The following DNMT1 variants were observed in gnomAD, a reference collection of about 807,000 sequenced individuals.
DNMT1 encodes DNA methyltransferase 1.
DNMT1 carries 24 observed loss-of-function variants against 205.3 expected under a neutral mutation model. That is an observed-to-expected ratio of 0.12 (90% confidence interval 0.08 to 0.16). DNMT1 has a LOEUF of 0.16. DNMT1 is among the 10% of genes least tolerant of loss of function. DNMT1 has a pLI of 1.00. For missense variants in DNMT1, 1,293 were observed against 2,177.7 expected, an observed-to-expected ratio of 0.59 and a Z score of 8.09; for synonymous variants, 817 against 839.8, an observed-to-expected ratio of 0.97 and a Z score of 0.47.
At chr19:10,182,126 T>G in intron 1 of DNMT1, 49 bp from the exon 2 acceptor site, 1 of 1,563,414 alleles carries the variant, frequency 6.4e-7, no homozygotes. Flanking sequence ...TTAAGCAACT[T>G]CATTTGCCTG....
intron 1 of DNMT1, among the ~76,000 whole-genome samples, chr19:10,183,015 A>C (rs1345640799): frequency 6.7e-6 from 1 of 150,358 alleles, no homozygotes; most frequent in Non-Finnish European, 1.5e-5. Context: ...GTGTATATAT[A>C]CATATATATG....
rs1186120486 is a variant in DNMT1, at chr19:10,175,518, G to A, written c.648+22C>T. 1.9e-6 allele frequency: 3 copies of A among 1,613,518 alleles called. No individual in the cohort carries two copies. The South Asian group carries it at 3.3e-5, about 18-fold the overall frequency. On this transcript the variant is annotated intron_variant, in intron 7 of 40. Coordinates refer to ENST00000359526, the MANE Select transcript of DNMT1 (RefSeq NM_001130823.3). ...ATACACCAAGTTAAGGTAGAGTCAG[G>A]AAATGAAAGCACTGGCCCTACCTGG...
At chr19:10,149,416 A>G (rs762380090) in intron 26 of DNMT1, 37 bp downstream of exon 26, 2 of 1,611,312 alleles carry the variant, frequency 1.2e-6, no homozygotes, top group East Asian at 2.2e-5. Flanking sequence ...ACCCTCCACG[A>G]TAAGGCAGGG....
intron 1 of DNMT1, among the ~76,000 whole-genome samples, chr19:10,190,247 G>A (rs903400878): frequency 1.3e-5 from 2 of 152,176 alleles, no homozygotes; most frequent in African/African-American, 4.8e-5. Context: ...GCTAGCATCA[G>A]TGTTAATCCA....
chr19:10,149,359 T>TAA, intron 26 of DNMT1, 94 bp downstream of exon 26: 1 of 1,415,432 alleles, frequency 7.1e-7, no homozygotes, highest in Non-Finnish European at 9.7e-7. Flanking sequence ...AAAACCAAAT[T>TAA]AAAAAAAAAT....
intron 22 of DNMT1, among the ~76,000 whole-genome samples, chr19:10,153,286 A>G (rs2145304443): frequency 6.6e-6 from 1 of 152,304 alleles, no homozygotes; most frequent in Middle Eastern, 3.4e-3. Context: ...AATATTTAAA[A>G]TGAAATAACT....
intron 39 of DNMT1, among the ~76,000 whole-genome samples, chr19:10,134,935 G>A (rs970323856): frequency 4.6e-5 from 7 of 151,420 alleles, no homozygotes; most frequent in African/African-American, 9.7e-5. Flanking sequence ...TTCCCTGGCC[G>A]GCGCAGTGGC....
At chr19:10,185,200 C>T (rs1012051153) in intron 1 of DNMT1, among the ~76,000 whole-genome samples, 2 of 151,610 alleles carry the variant, frequency 1.3e-5, no homozygotes, top group African/African-American at 2.4e-5. Flanking sequence ...CTGAGGTGGG[C>T]GGATCATGAG....
chr19:10,164,257 C>T (rs1243553186), intron 11 of DNMT1, among the ~76,000 whole-genome samples: 3 of 152,106 alleles, frequency 2.0e-5, no homozygotes, highest in Admixed American at 6.6e-5. Flanking sequence ...GATTCTCCTG[C>T]CTCGGCCTCT....
chr19:10,151,038 C>T lies in DNMT1; in HGVS notation c.2265+360G>A, dbSNP rs922860245. On this transcript the variant is annotated intron_variant, in intron 24 of 40. Coordinates refer to ENST00000359526, the MANE Select transcript of DNMT1 (RefSeq NM_001130823.3). This position sits in a 1 kb window ranked among gnomAD's most constrained non-coding sequence, Gnocchi z 5.0. ...TGAACCTGGGAGGCAGAGGTTGCAGCGAGCTGAGATCGTGCCACTGCACTC... is the reference window on the plus strand; with the variant it reads ...TGAACCTGGGAGGCAGAGGTTGCAGTGAGCTGAGATCGTGCCACTGCACTC... Among the ~76,000 whole-genome samples the T allele has an allele frequency of 4.6e-5, 7 of 152,076 alleles. No individual in the cohort carries two copies. The highest frequency in any genetic ancestry group is 1.7e-4 in the African/African-American group (7 of 41,408).
At position 10,138,498 on chromosome 19, in the gene DNMT1, G is replaced by A. The variant is rs540856211; in HGVS notation, c.4056C>T (p.Pro1352=). 2.2e-5 allele frequency: 35 copies of A among 1,613,728 alleles called. No individual in the cohort carries two copies. The Admixed American group carries it at 3.8e-4, about 18-fold the overall frequency. The change falls in exon 35 of 41, where the codon CCC becomes CCT. Residue 1352 remains proline (P), a synonymous_variant. Transcript: ENST00000359526. This position sits in a 1 kb window ranked among gnomAD's most constrained non-coding sequence, Gnocchi z 4.1. ...LFPEPLHVFA[P]RACQLSVVVD... is the part of the protein sequence containing the mutation. Reference sequence around the variant, plus strand: ...CCACCACGCTCAGCTGGCAGGCCCGGGGAGCAAACACGTGCAGTGGCTCCG... The same window carrying A: ...CCACCACGCTCAGCTGGCAGGCCCGAGGAGCAAACACGTGCAGTGGCTCCG...
At chr19:10,139,039 G>T (rs2089550933) in intron 34 of DNMT1, among the ~76,000 whole-genome samples, 1 of 152,230 alleles carries the variant, frequency 6.6e-6, no homozygotes, top group Non-Finnish European at 1.5e-5. Flanking sequence ...GGGTAGCCAA[G>T]TGCTTGCCCA....
chr19:10,175,760 T>C, intron 6 of DNMT1, 142 bp from the exon 7 acceptor site: 1 of 834,990 alleles, frequency 1.2e-6, no homozygotes, highest in Non-Finnish European at 2.0e-6. Context: ...GAATGTTGTC[T>C]TGCCATCTTG....
At chr19:10,150,106 A>C in intron 24 of DNMT1, 138 bp from the exon 25 acceptor site, 1 of 779,616 alleles carries the variant, frequency 1.3e-6, no homozygotes, top group Admixed American at 2.0e-5. Context: ...TGCTAAAGAG[A>C]ACATCCTGTT....
intron 7 of DNMT1, among the ~76,000 whole-genome samples, chr19:10,174,727 C>A (rs1395637306): frequency 1.3e-5 from 2 of 150,390 alleles, no homozygotes; most frequent in Non-Finnish European, 1.5e-5. Context: ...AAAACAACAA[C>A]AACAACAACA....
chr19:10,160,326 A>T, intron 14 of DNMT1, 58 bp downstream of exon 14: 1 of 1,610,510 alleles, frequency 6.2e-7, no homozygotes, highest in Non-Finnish European at 8.5e-7. Flanking sequence ...CTTTTGTTCT[A>T]GAACCATCAT....
chr19:10,143,614 T>G (rs1184929285), intron 29 of DNMT1, 152 bp downstream of exon 29: 6 of 868,672 alleles, frequency 6.9e-6, no homozygotes, highest in Non-Finnish European at 1.1e-5. Context: ...CTAGTCATTA[T>G]CAGTGCCCAC....
chr19:10,182,171 CA>C (rs1338703452), intron 1 of DNMT1, 94 bp from the exon 2 acceptor site: 5 of 1,354,810 alleles, frequency 3.7e-6, no homozygotes, highest in Non-Finnish European at 4.2e-6. Flanking sequence ...GTTTTGGACA[CA>C]AACAAGTTTA....
chr19:10,157,812 A>G (rs2038488978), intron 17 of DNMT1, among the ~76,000 whole-genome samples: 1 of 152,160 alleles, frequency 6.6e-6, no homozygotes, highest in Non-Finnish European at 1.5e-5. Context: ...GGGAGGGCCT[A>G]CAGAAGAGGG....
Sources: allele counts gnomAD v4.1 joint callset (sites outside exome capture counted in the v4.1 genomes callset), GRCh38; gene constraint gnomAD v4.1.1; non-coding constraint Gnocchi (gnomAD v3.1); transcripts MANE v1.5; gene names NCBI Gene and HGNC (gene_info 2026-07-23, HGNC 2026-07-21).